KCNMA1: variants seen among roughly 807,000 people sequenced by gnomAD.
KCNMA1 encodes potassium calcium-activated channel subfamily M alpha 1, also known as Calcium-activated potassium channel subunit alpha-1.
A neutral mutation model predicts 140.0 loss-of-function variants in KCNMA1; 29 were observed. That is an observed-to-expected ratio of 0.21 (90% confidence interval 0.15 to 0.28). The LOEUF (loss-of-function observed/expected upper bound fraction) is 0.28, where lower values mean the gene tolerates loss of function less well. Ranked by LOEUF, KCNMA1 falls within the 10% of genes least tolerant of loss-of-function variation. KCNMA1 has a pLI of 1.00. For synonymous variants in KCNMA1, 612 were observed against 611.9 expected, an observed-to-expected ratio of 1.00 and a Z score of 0.00; for missense variants, 880 against 1,602.2, an observed-to-expected ratio of 0.55 and a Z score of 7.70.
Position 76,930,051 on chromosome 10 carries a change from T to C in KCNMA1, c.2902+14722A>G, listed in dbSNP as rs117851968. Reference sequence around the variant, plus strand: ...CTAGGAGAAAAAATAGGGGAAAAGCTCTTTGACATTGGTCTGGGCGATGAT... The same window carrying C: ...CTAGGAGAAAAAATAGGGGAAAAGCCCTTTGACATTGGTCTGGGCGATGAT... On this transcript the variant is annotated intron_variant, in intron 23 of 27. Coordinates refer to ENST00000286628, the MANE Select transcript of KCNMA1 (RefSeq NM_001161352.2). 139 of 152,300 alleles carry C rather than the reference T, an allele frequency of 9.1e-4. 1 individual carries two copies. In the East Asian group the frequency reaches 0.024, roughly 26 times the overall value. The allele number at this position is 152,300 out of a possible 1,614,324, so 9.4% of individuals were successfully genotyped here. A position where few individuals can be genotyped will look rare whatever the true frequency, so the allele number is the denominator to read the frequency against.
intron 6 of KCNMA1, among the ~76,000 whole-genome samples, chr10:77,119,999 C>T (rs904060539): frequency 2.0e-5 from 3 of 152,160 alleles, no homozygotes; most frequent in Non-Finnish European, 1.5e-5. Flanking sequence ...GAAGCTAGGT[C>T]CCAGCCTGTG....
At chr10:77,519,558 G>C (rs185984588) in intron 1 of KCNMA1, among the ~76,000 whole-genome samples, 113 of 152,196 alleles carry the variant, frequency 7.4e-4, no homozygotes, top group African/African-American at 2.7e-3. Flanking sequence ...CTGGATAATC[G>C]AGGGAAGACT....
At chr10:77,349,356 C>T (rs1221588924) in intron 2 of KCNMA1, among the ~76,000 whole-genome samples, 4 of 152,310 alleles carry the variant, frequency 2.6e-5, no homozygotes, top group African/African-American at 9.6e-5. Context: ...ACTTTCCAGC[C>T]TCCAGAACTG....
At chr10:77,473,813 C>G (rs1482180850) in intron 1 of KCNMA1, among the ~76,000 whole-genome samples, 1 of 152,196 alleles carries the variant, frequency 6.6e-6, no homozygotes, top group Non-Finnish European at 1.5e-5. Flanking sequence ...TTCCCAGAGT[C>G]CTGATCCAAA....
chr10:76,974,538 G>A, intron 19 of KCNMA1: 4 of 1,550,034 alleles, frequency 2.6e-6, no homozygotes, highest in Non-Finnish European at 2.6e-6. Context: ...AACTCAAATG[G>A]ATCTTTGGAA....
chr10:76,968,515 G>C (rs1353463590), intron 20 of KCNMA1, among the ~76,000 whole-genome samples: 4 of 152,168 alleles, frequency 2.6e-5, no homozygotes, highest in Admixed American at 1.3e-4. Flanking sequence ...CTAAATTTAG[G>C]TGAAGGAAAG....
chr10:77,127,169 T>A (rs554338001), intron 5 of KCNMA1, among the ~76,000 whole-genome samples: 1 of 151,800 alleles, frequency 6.6e-6, no homozygotes, highest in Non-Finnish European at 1.5e-5. Flanking sequence ...GAAATGATGA[T>A]GTTGACAATG....
At chr10:77,549,952 T>A (rs1194777599) in intron 1 of KCNMA1, among the ~76,000 whole-genome samples, 1 of 152,214 alleles carries the variant, frequency 6.6e-6, no homozygotes, top group African/African-American at 2.4e-5. Flanking sequence ...TGCTGGACAA[T>A]GAAAGCACTA....
intron 1 of KCNMA1, among the ~76,000 whole-genome samples, chr10:77,564,967 G>A (rs1315601876): frequency 1.3e-5 from 2 of 152,192 alleles, no homozygotes; most frequent in African/African-American, 4.8e-5. Flanking sequence ...ATGCAGCAGG[G>A]GGTGAAGGAA....
At chr10:77,295,820 G>C (rs138000996) in intron 2 of KCNMA1, among the ~76,000 whole-genome samples, 1,307 of 99,938 alleles carry the variant, frequency 0.013, 39 homozygotes, top group African/African-American at 0.05. Flanking sequence ...AAAAAAAACA[G>C]TTTTCAGCTC....
intron 5 of KCNMA1, among the ~76,000 whole-genome samples, chr10:77,179,423 T>C (rs2098784069): frequency 6.6e-6 from 1 of 152,136 alleles, no homozygotes. Flanking sequence ...TGCATTCTTC[T>C]GGTCCTCCTG....
intron 1 of KCNMA1, among the ~76,000 whole-genome samples, chr10:77,478,217 T>C (rs755809127): frequency 6.6e-6 from 1 of 152,252 alleles, no homozygotes; most frequent in Admixed American, 6.5e-5. Context: ...AAAGAGTCTG[T>C]ACTGGCTTAG....
chr10:77,555,225 G>A (rs1334385948), intron 1 of KCNMA1, among the ~76,000 whole-genome samples: 2 of 152,176 alleles, frequency 1.3e-5, no homozygotes, highest in Admixed American at 6.5e-5. Context: ...GGAGTCAGAC[G>A]GCCCCCTCAC....
chr10:77,236,679 T>C (rs2055587531), intron 3 of KCNMA1, among the ~76,000 whole-genome samples: 1 of 152,272 alleles, frequency 6.6e-6, no homozygotes, highest in Non-Finnish European at 1.5e-5. Context: ...TATACATACG[T>C]TTATACAGTA....
intron 19 of KCNMA1, among the ~76,000 whole-genome samples, chr10:76,988,899 G>A (rs560129103): frequency 2.0e-5 from 3 of 152,290 alleles, no homozygotes; most frequent in African/African-American, 7.2e-5. Context: ...TTTGCCTGGA[G>A]ATGGTGTCCC....
chr10:77,612,956 G>T (rs2087571826), intron 1 of KCNMA1, among the ~76,000 whole-genome samples: 1 of 151,946 alleles, frequency 6.6e-6, no homozygotes, highest in South Asian at 2.1e-4. Context: ...TGCAATAGAT[G>T]CTCAATAACT....
intron 5 of KCNMA1, among the ~76,000 whole-genome samples, chr10:77,150,688 T>G (rs1454188061): frequency 6.6e-6 from 1 of 152,218 alleles, no homozygotes; most frequent in Non-Finnish European, 1.5e-5. Context: ...AAACCTTACA[T>G]TGGCTGACAA....
At chr10:76,970,365 G>A in intron 19 of KCNMA1, 1 of 342,396 alleles carries the variant, frequency 2.9e-6, no homozygotes, top group Non-Finnish European at 5.5e-6. Flanking sequence ...TGATTTATCT[G>A]TATACCAAAA....
At chr10:77,360,393 G>C (rs1293640083) in intron 2 of KCNMA1, among the ~76,000 whole-genome samples, 1 of 145,462 alleles carries the variant, frequency 6.9e-6, no homozygotes, top group African/African-American at 2.4e-5. Flanking sequence ...TGTGAGCCCA[G>C]GGGCCAGAGA....
Sources: gnomAD v4.1 joint callset for allele counts (sites outside exome capture counted in the v4.1 genomes callset) on GRCh38, gnomAD v4.1.1 for gene constraint, MANE v1.5 for transcripts, NCBI Gene and HGNC (gene_info 2026-07-23, HGNC 2026-07-21) for gene names.